FANCM: variants seen among roughly 807,000 people sequenced by gnomAD.
The protein encoded by FANCM is Fanconi anemia group M protein.
In FANCM, 140 loss-of-function variants were observed where a neutral mutation model predicts 199.5. The ratio of observed to expected loss-of-function variants is 0.70; its 90% CI spans 0.61 to 0.81. The LOEUF (loss-of-function observed/expected upper bound fraction) is 0.81, where lower values mean the gene tolerates loss of function less well. Ranked by LOEUF, FANCM falls within the 30% of genes least tolerant of loss-of-function variation. FANCM has a pLI of 0.00. For synonymous variants in FANCM, 840 were observed against 836.8 expected (o/e 1.00, Z -0.07); for missense variants, 2,410 against 2,421.4 (o/e 1.00, Z 0.10).
In FANCM at chr14:45,200,477, A is replaced by G. The variant is rs1305468604; in HGVS notation, c.*469A>G. 1 of 153,264 alleles carries G rather than the reference A, an allele frequency of 6.5e-6. No homozygotes were observed. The highest frequency in any genetic ancestry group is 1.5e-5 in the Non-Finnish European group (1 of 68,922). 9.5% of individuals were successfully genotyped at this position (153,264 alleles called of 1,614,324 possible). On this transcript the variant is annotated 3_prime_UTR_variant, in exon 23 of 23. Transcript: ENST00000267430. Reference sequence around the variant, plus strand: ...GGGTGATGGGTGGGTTGTGAGATAAATGACCCAGTAACTAGGAAAGTAGAA... The same window carrying G: ...GGGTGATGGGTGGGTTGTGAGATAAGTGACCCAGTAACTAGGAAAGTAGAA...
chr14:45,137,564 T>A (rs1248283127), intron 2 of FANCM: 1 of 321,946 alleles, frequency 3.1e-6, no homozygotes, highest in Non-Finnish European at 5.9e-6. Flanking sequence ...ATGAAAGGAG[T>A]TTTGAAATTA....
intron 9 of FANCM, among the ~76,000 whole-genome samples, chr14:45,163,047 G>GAAA (rs1481446897): frequency 1.3e-5 from 2 of 152,158 alleles, no homozygotes; most frequent in African/African-American, 4.8e-5. Context: ...CAGTGCAACT[G>GAAA]AAATGTTTAT....
chr14:45,181,695 C>A lies in FANCM; in HGVS notation c.4376C>A (p.Pro1459His). 6.2e-7 allele frequency: 1 copy of A among 1,606,124 alleles called. No homozygotes were observed. Among genetic ancestry groups the A allele is most frequent in the South Asian group, 1.1e-5 (1 of 90,808 alleles). Reference sequence around the variant, plus strand: ...CATGCTGTCAAAAAGCGCAGATTTCCTATAAACAGAGTAAGTAAATACCAG... The same window carrying A: ...CATGCTGTCAAAAAGCGCAGATTTCATATAAACAGAGTAAGTAAATACCAG... ...PLHAVKKRRF[P>H]INRSELSSSD... The change falls in exon 16 of 23, where the codon CCT (proline) becomes CAT (histidine). Residue 1459 changes from proline (P) to histidine (H), a missense_variant. Physicochemically the swap from Pro to His is moderately conservative, Grantham distance 77. Coordinates refer to ENST00000267430, the MANE Select transcript of FANCM (RefSeq NM_020937.4).
At chr14:45,150,440 A>T (rs1886732568) in intron 4 of FANCM, among the ~76,000 whole-genome samples, 1 of 152,210 alleles carries the variant, frequency 6.6e-6, no homozygotes, top group African/African-American at 2.4e-5. Context: ...GGAGGAAAAA[A>T]AATGTATTAA....
Position 45,175,182 on chromosome 14 carries a change from A to G in FANCM, c.2428A>G (p.Ile810Val), listed in dbSNP as rs1411096253. The G allele has an allele frequency of 1.9e-6, 3 of 1,607,440 alleles. No homozygotes were observed. The highest frequency in any genetic ancestry group is 2.2e-5 in the East Asian group (1 of 44,672). Residue 810 changes from isoleucine (I) to valine (V), a missense_variant, in exon 14 of 23, where the codon ATC (isoleucine) becomes GTC (valine). Ile to Val is a conservative substitution (Grantham distance 29, BLOSUM62 3). Coordinates refer to ENST00000267430, the MANE Select transcript of FANCM (RefSeq NM_020937.4). The part of the protein sequence containing the change: ...ESNNLASDTF[I>V]THKKSSFIKN... ...TAATAATCTTGCCAGTGACACCTTTATCACTCACAAGAAATCGTCATTTAT... is the reference window on the plus strand; with the variant it reads ...TAATAATCTTGCCAGTGACACCTTTGTCACTCACAAGAAATCGTCATTTAT...
chr14:45,186,758 C>A (rs1037386892), intron 18 of FANCM, among the ~76,000 whole-genome samples: 44 of 152,196 alleles, frequency 2.9e-4, no homozygotes, highest in African/African-American at 1.1e-3. Context: ...CAGTAGTGTG[C>A]CTGGCCTGTT....
chr14:45,141,305 A>G lies in FANCM; in HGVS notation c.759+596A>G, dbSNP rs76218938. Among the ~76,000 whole-genome samples the G allele has an allele frequency of 3.3e-3, 503 of 151,076 alleles. 3 individuals carry two copies. Among genetic ancestry groups the G allele is most frequent in the Non-Finnish European group, 6.2e-3 (420 of 67,752 alleles). ...TCCGTCTCAAAAAAAAAAAAAAAAA[A>G]AAAGAAAGCAAAAAACAAAAAACAT... On this transcript the variant is annotated intron_variant, in intron 3 of 22. Transcript: ENST00000267430.
Position 45,176,498 on chromosome 14 carries a change from T to TA in FANCM, c.3745dup (p.Thr1249AsnfsTer4). The TA allele has an allele frequency of 6.2e-7, 1 of 1,607,012 alleles. No homozygotes were observed. Among genetic ancestry groups the TA allele is most frequent in the Non-Finnish European group, 8.5e-7 (1 of 1,176,504 alleles). On this transcript the variant is annotated frameshift_variant, in exon 14 of 23. Coordinates refer to ENST00000267430, the MANE Select transcript of FANCM (RefSeq NM_020937.4). LOFTEE classifies it high-confidence loss of function. ...ATTCTGATGATGAAATATTGGAACA[T>TA]ACATCAGATAGCAATAGACCTCTAG...
At chr14:45,157,412 T>C (rs1887274449) in intron 8 of FANCM, among the ~76,000 whole-genome samples, 1 of 152,062 alleles carries the variant, frequency 6.6e-6, no homozygotes, top group Non-Finnish European at 1.5e-5. Context: ...ATATCAACAG[T>C]TAAGAGTTTG....
At chr14:45,167,210 C>G (rs1476216088) in intron 11 of FANCM, 47 bp downstream of exon 11, 1 of 1,051,046 alleles carries the variant, frequency 9.5e-7, no homozygotes, top group Non-Finnish European at 1.5e-6. Context: ...CCTGTTCTTA[C>G]TTAGCAGGTC....
In FANCM at chr14:45,137,125, C is replaced by G. The variant is rs149010517; in HGVS notation, c.565C>G (p.Leu189Val). Residue 189 changes from leucine (L) to valine (V), a missense_variant, in exon 2 of 23, where the codon CTT (leucine) becomes GTT (valine). By Grantham distance (32) the Leu-to-Val change is conservative. Transcript: ENST00000267430. ...EIWCSKRVLF[L>V]TPQVMVNDLS... ...ATGGTGCAGTAAGAGAGTGCTTTTTCTTACACCTCAGGTCATGGTAAATGA... is the reference window on the plus strand; with the variant it reads ...ATGGTGCAGTAAGAGAGTGCTTTTTGTTACACCTCAGGTCATGGTAAATGA... 3.1e-6 allele frequency: 5 copies of G among 1,613,600 alleles called. No homozygotes were observed. Among genetic ancestry groups the G allele is most frequent in the Non-Finnish European group, 4.2e-6 (5 of 1,179,662 alleles).
At chr14:45,137,648 T>C (rs1460699480) in intron 2 of FANCM, 1 of 228,456 alleles carries the variant, frequency 4.4e-6, no homozygotes, top group Non-Finnish European at 8.8e-6. Context: ...GTATGCCACA[T>C]ACCTAACACA....
At position 45,199,974 on chromosome 14, in the gene FANCM, A is replaced by G. The variant is rs1340633382; in HGVS notation, c.6113A>G (p.Asp2038Gly). Reference sequence around the variant, plus strand: ...TTTGACATACAAATGTTACCAAATGATCTTAACCAAGATAGACTGAAATCT... The same window carrying G: ...TTTGACATACAAATGTTACCAAATGGTCTTAACCAAGATAGACTGAAATCT... ...YVFDIQMLPN[D>G]LNQDRLKSDI is the part of the protein sequence containing the mutation. Residue 2038 changes from aspartate (D) to glycine (G), a missense_variant, in exon 23 of 23, where the codon GAT (aspartate) becomes GGT (glycine). Coordinates refer to ENST00000267430, the MANE Select transcript of FANCM (RefSeq NM_020937.4). 1.9e-6 allele frequency: 3 copies of G among 1,609,522 alleles called. No individual in the cohort carries two copies. The highest frequency in any genetic ancestry group is 2.7e-5 in the African/African-American group (2 of 74,816).
rs1233611425 is a variant in FANCM at position 45,198,784 on chromosome 14, CAAAG to C, written c.5864_5867del (p.Lys1955MetfsTer10). Reference sequence around the variant, plus strand: ...GCTAAAGGAACTGTCTTTAGTGGAACAAAGAAAGAATGTTGGTATTCATGTTCCA... The same window carrying C: ...GCTAAAGGAACTGTCTTTAGTGGAACAAAGAATGTTGGTATTCATGTTCCA... On this transcript the variant is annotated frameshift_variant, in exon 22 of 23. Transcript: ENST00000267430. LOFTEE classifies it high-confidence loss of function. 1.9e-6 allele frequency: 3 copies of C among 1,613,786 alleles called. No homozygotes were observed. The highest frequency in any genetic ancestry group is 1.7e-5 in the Admixed American group (1 of 59,988).
At chr14:45,145,644 G>A (rs1190485541) in intron 3 of FANCM, among the ~76,000 whole-genome samples, 1 of 152,206 alleles carries the variant, frequency 6.6e-6, no homozygotes, top group Non-Finnish European at 1.5e-5. Flanking sequence ...GTGTTTCCTG[G>A]CTGAGCGTGG....
intron 17 of FANCM, among the ~76,000 whole-genome samples, chr14:45,184,915 A>G (rs1268902549): frequency 6.6e-6 from 1 of 150,554 alleles, no homozygotes; most frequent in Non-Finnish European, 1.5e-5. Flanking sequence ...CTGGGATTAC[A>G]GGCATGCGCC....
At chr14:45,163,936 A>G (rs1269928150) in intron 9 of FANCM, among the ~76,000 whole-genome samples, 1 of 152,042 alleles carries the variant, frequency 6.6e-6, no homozygotes, top group Non-Finnish European at 1.5e-5. Flanking sequence ...ACTATCCTTG[A>G]TGCTGATTTT....
chr14:45,199,942 C>G lies in FANCM; in HGVS notation c.6081C>G (p.His2027Gln), dbSNP rs752980787. ...QKAEEIYRYIHYVFDIQMLPN... is the reference protein window; with the variant it reads ...QKAEEIYRYIQYVFDIQMLPN... ...CTGAGGAGATCTATAGATATATTCA[C>G]TATGTATTTGACATACAAATGTTAC... The change falls in exon 23 of 23, where the codon CAC (histidine) becomes CAG (glutamine). Residue 2027 changes from histidine (H) to glutamine (Q), a missense_variant. Physicochemically the swap from His to Gln is conservative, Grantham distance 24 (BLOSUM62 0). Transcript: ENST00000267430. 1.3e-6 allele frequency: 2 copies of G among 1,599,524 alleles called. No individual in the cohort carries two copies. Among genetic ancestry groups the G allele is most frequent in the South Asian group, 2.2e-5 (2 of 90,790 alleles).
At chr14:45,146,832 C>CA (rs762253487) in intron 3 of FANCM, among the ~76,000 whole-genome samples, 1,953 of 41,754 alleles carry the variant, frequency 0.047, 163 homozygotes, top group African/African-American at 0.096. Context: ...GACTCTGTCT[C>CA]AAAAAAAAAA....
Sources: gnomAD v4.1 joint callset for allele counts (sites outside exome capture counted in the v4.1 genomes callset) on GRCh38, gnomAD v4.1.1 for gene constraint, MANE v1.5 for transcripts, NCBI Gene and HGNC (gene_info 2026-07-23, HGNC 2026-07-21) for gene names.